MKX: variants seen among roughly 807,000 people sequenced by gnomAD.
MKX encodes the protein mohawk homeobox.
Under a neutral mutation model 36.0 loss-of-function variants are expected in MKX, and 13 were observed. That is an observed-to-expected ratio of 0.36 (90% CI 0.24 to 0.57). MKX has a LOEUF of 0.57. MKX is among the 20% of genes least tolerant of loss of function. MKX has a pLI of 0.79. For synonymous variants in MKX, 176 were observed against 178.3 expected, an observed-to-expected ratio of 0.99 and a Z score of 0.10; for missense variants, 458 against 456.4, an observed-to-expected ratio of 1.00 and a Z score of -0.03.
At chr10:27,726,255 GGAGA>G (rs1332125285) in intron 5 of MKX, among the ~76,000 whole-genome samples, 3 of 152,126 alleles carry the variant, frequency 2.0e-5, no homozygotes, top group Non-Finnish European at 4.4e-5. Context: ...TGCACATGGA[GGAGA>G]GAGAAAGTAT....
intron 5 of MKX, among the ~76,000 whole-genome samples, chr10:27,726,279 G>C (rs932122277): frequency 3.3e-5 from 5 of 152,172 alleles, no homozygotes; most frequent in African/African-American, 1.2e-4. Context: ...TAAAATTTCT[G>C]TATGGACTTT....
At chr10:27,676,656 G>A (rs1327234832) in intron 5 of MKX, among the ~76,000 whole-genome samples, 1 of 152,104 alleles carries the variant, frequency 6.6e-6, no homozygotes, top group Non-Finnish European at 1.5e-5. Context: ...GATTACAGGC[G>A]TGAGCCACCG....
chr10:27,733,267 ACGT>A (rs1254507914), intron 5 of MKX, among the ~76,000 whole-genome samples: 2 of 152,168 alleles, frequency 1.3e-5, no homozygotes, highest in African/African-American at 4.8e-5. Context: ...ATATTTGTAA[ACGT>A]TTGAAAATCA....
rs113511700 is a variant in MKX at position 27,718,030 on chromosome 10, A to G, written c.838+16426T>C. 5.4e-3 allele frequency among the ~76,000 whole-genome samples: 819 copies of G among 152,324 alleles called. 11 individuals carry two copies. The highest frequency in any genetic ancestry group is 0.019 in the African/African-American group (790 of 41,578). ...GTTTCCTCCTGGTGACAGATGAACA[A>G]TCAACCTTATTCCTGAAGGAAGAAA... On this transcript the variant is annotated intron_variant, in intron 5 of 6. Coordinates refer to ENST00000419761, the MANE Select transcript of MKX (RefSeq NM_173576.3).
chr10:27,698,700 T>C lies in MKX; in HGVS notation c.839-23146A>G, dbSNP rs546331754. ...TGTTTTCAGGACCTTCCTGTGTAGC[T>C]GTTGATGTACTCAGAGATGTCTGAT... On this transcript the variant is annotated intron_variant, in intron 5 of 6. Coordinates refer to ENST00000419761, the MANE Select transcript of MKX (RefSeq NM_173576.3). 3.9e-5 allele frequency among the ~76,000 whole-genome samples: 6 copies of C among 152,324 alleles called. No individual in the cohort carries two copies. The South Asian group carries it at 1.2e-3, about 32-fold the overall frequency.
intron 5 of MKX, among the ~76,000 whole-genome samples, chr10:27,699,805 A>C (rs1836620589): frequency 6.6e-6 from 1 of 152,224 alleles, no homozygotes; most frequent in African/African-American, 2.4e-5. Flanking sequence ...GCTTCTAATC[A>C]TCACTTGTTA....
intron 5 of MKX, among the ~76,000 whole-genome samples, chr10:27,679,815 T>A (rs1836221206): frequency 6.6e-6 from 1 of 151,762 alleles, no homozygotes; most frequent in Admixed American, 6.6e-5. Context: ...AGTGTTGTAA[T>A]TTTTTTTTCT....
chr10:27,735,298 C>A lies in MKX; in HGVS notation c.425G>T (p.Arg142Ile). Residue 142 changes from arginine to isoleucine, a missense_variant, in exon 4 of 7, where the codon AGA becomes ATA. Coordinates refer to ENST00000419761, the MANE Select transcript of MKX (RefSeq NM_173576.3). The part of the protein sequence containing the change: ...VRQPDLSWAL[R>I]IKLYNKYVQG... ...AACATACTTGTTGTATAACTTTATT[C>A]TCAAAGCCCAGCTTAAATCTGGCTG... The A allele has an allele frequency of 6.2e-7, 1 of 1,613,900 alleles. No homozygotes were observed.
chr10:27,724,756 T>TACACACACACAC (rs55968845), intron 5 of MKX, among the ~76,000 whole-genome samples: 131 of 141,488 alleles, frequency 9.3e-4, no homozygotes, highest in African/African-American at 3.0e-3. Context: ...TACTACTACC[T>TACACACACACAC]ACACACACAC....
intron 5 of MKX, among the ~76,000 whole-genome samples, chr10:27,708,228 C>T (rs1836790599): frequency 6.6e-6 from 1 of 152,170 alleles, no homozygotes; most frequent in Non-Finnish European, 1.5e-5. Flanking sequence ...AGAGCGACAA[C>T]TGGTGCATCC....
chr10:27,701,484 A>C (rs1836653506), intron 5 of MKX, among the ~76,000 whole-genome samples: 1 of 145,790 alleles, frequency 6.9e-6, no homozygotes, highest in Non-Finnish European at 1.5e-5. Context: ...AAGGTGTATA[A>C]ATATATAATA....
chr10:27,717,166 G>T (rs1246824465), intron 5 of MKX, among the ~76,000 whole-genome samples: 2 of 152,080 alleles, frequency 1.3e-5, no homozygotes, highest in Non-Finnish European at 2.9e-5. Context: ...GCCTGGATAA[G>T]CTTGTACGTG....
chr10:27,720,519 A>G (rs1834354109), intron 5 of MKX, among the ~76,000 whole-genome samples: 1 of 152,200 alleles, frequency 6.6e-6, no homozygotes, highest in African/African-American at 2.4e-5. Flanking sequence ...AGATTAAAAG[A>G]GGACAACTAG....
intron 5 of MKX, among the ~76,000 whole-genome samples, chr10:27,724,792 C>CACACACACA (rs1554773421): frequency 7.3e-6 from 1 of 137,912 alleles, no homozygotes; most frequent in East Asian, 2.1e-4. Context: ...CACACACACA[C>CACACACACA]CCCGCAGAAA....
At chr10:27,715,798 T>C (rs959077307) in intron 5 of MKX, among the ~76,000 whole-genome samples, 2 of 152,088 alleles carry the variant, frequency 1.3e-5, no homozygotes, top group Admixed American at 6.6e-5. Context: ...CCATTCTCGA[T>C]TGACAGATGG....
intron 5 of MKX, among the ~76,000 whole-genome samples, chr10:27,712,345 A>G (rs1355323085): frequency 6.6e-6 from 1 of 152,218 alleles, no homozygotes; most frequent in African/African-American, 2.4e-5. Flanking sequence ...ACGCCTTATA[A>G]GGAAGGTGAA....
rs1384933868 is a variant in MKX, at chr10:27,709,705, C to T, written c.838+24751G>A. 2.0e-5 allele frequency among the ~76,000 whole-genome samples: 3 copies of T among 152,204 alleles called. No homozygotes were observed. In the East Asian group the frequency reaches 5.8e-4, roughly 29 times the overall value. ...TTAAGCCAAATTAAACTCTGACTTC[C>T]CTCTCGATGCCTCTTCTTTAATATG... On this transcript the variant is annotated intron_variant, in intron 5 of 6. Transcript: ENST00000419761.
rs2132654207 is a variant in MKX at position 27,741,257 on chromosome 10, C to A, written c.348+88G>T. ...TCCATCCCTCTCCAGGTAGAAGCGC[C>A]ACGTGGAGAGCCACACGAACTCTAA... On this transcript the variant is annotated intron_variant, in intron 3 of 6. Coordinates refer to ENST00000419761, the MANE Select transcript of MKX (RefSeq NM_173576.3). The surrounding 1 kb of genome is among the most constrained non-coding windows in gnomAD (Gnocchi z 5.1). 6.5e-7 allele frequency: 1 copy of A among 1,533,312 alleles called. No individual in the cohort carries two copies. Among genetic ancestry groups the A allele is most frequent in the Middle Eastern group, 1.7e-4 (1 of 5,814 alleles). The allele number at this position is 1,533,312 out of a possible 1,614,324, so 95.0% of individuals were successfully genotyped here.
At position 27,673,692 on chromosome 10, in the gene MKX, A is replaced by G. The variant is rs1836090016; in HGVS notation, c.*1537T>C. On this transcript the variant is annotated 3_prime_UTR_variant, in exon 7 of 7. Transcript: ENST00000419761. ...TATATCAAATTATCTTCATTACACT[A>G]AATAAACCCAATCCCCAAATGTTAT... 6.6e-6 allele frequency: 1 copy of G among 152,482 alleles called. No homozygotes were observed. The highest frequency in any genetic ancestry group is 1.5e-5 in the Non-Finnish European group (1 of 67,998). The allele number at this position is 152,482 out of a possible 1,614,324, so 9.4% of individuals were successfully genotyped here. A position where few individuals can be genotyped will look rare whatever the true frequency, so the allele number is the denominator to read the frequency against.
Sources: gnomAD v4.1 joint callset for allele counts (sites outside exome capture counted in the v4.1 genomes callset) on GRCh38, gnomAD v4.1.1 for gene constraint, Gnocchi (gnomAD v3.1) non-coding constraint, MANE v1.5 for transcripts, NCBI Gene and HGNC (gene_info 2026-07-23, HGNC 2026-07-21) for gene names.